ATP7B: variants seen among roughly 807,000 people sequenced by gnomAD.
The protein encoded by ATP7B is ATPase copper transporting beta.
In ATP7B, 113 loss-of-function variants were observed where a neutral mutation model predicts 118.9. The observed-to-expected ratio is 0.95, with a 90% CI of 0.82 to 1.11. The LOEUF (loss-of-function observed/expected upper bound fraction) is 1.11, where lower values mean the gene tolerates loss of function less well. ATP7B is among the 50% of genes most tolerant of loss of function. The probability of loss-of-function intolerance (pLI) is 0.00; values close to 1 mark genes in which losing one functional copy is unlikely to be tolerated. For synonymous variants in ATP7B, 777 were observed against 727.4 expected, an observed-to-expected ratio of 1.07 and a Z score of -1.10; for missense variants, 1,867 against 1,871.4, an observed-to-expected ratio of 1.00 and a Z score of 0.04.
At chr13:52,008,897 C>A (rs1422850486) in intron 1 of ATP7B, among the ~76,000 whole-genome samples, 4 of 151,670 alleles carry the variant, frequency 2.6e-5, no homozygotes, top group Non-Finnish European at 5.9e-5. Flanking sequence ...TTTTTTGAGA[C>A]AGGATCTTGC....
Position 51,957,643 on chromosome 13 carries a change from G to A in ATP7B, c.2356-36C>T, listed in dbSNP as rs377290160. ...ACCAGAATGTGAAATGAGAGCTATCGAAAGCAGACCTGTCCAAACCCAGCC... is the reference window on the plus strand; with the variant it reads ...ACCAGAATGTGAAATGAGAGCTATCAAAAGCAGACCTGTCCAAACCCAGCC... On this transcript the variant is annotated intron_variant, in intron 8 of 20. Coordinates refer to ENST00000242839, the MANE Select transcript of ATP7B (RefSeq NM_000053.4). The A allele has an allele frequency of 8.8e-6, 14 of 1,596,524 alleles. No individual in the cohort carries two copies. In the East Asian group the frequency reaches 8.9e-5, roughly 10 times the overall value.
At chr13:51,946,512 A>G (rs1244996986) in intron 12 of ATP7B, 34 bp from the exon 13 acceptor site, 2 of 1,610,108 alleles carry the variant, frequency 1.2e-6, no homozygotes, top group African/African-American at 2.7e-5. Context: ...GCAGGTTGAG[A>G]GTTCAATAAG....
At chr13:51,938,186 C>T (rs543378553) in intron 17 of ATP7B, among the ~76,000 whole-genome samples, 2 of 152,298 alleles carry the variant, frequency 1.3e-5, no homozygotes, top group South Asian at 4.1e-4. Flanking sequence ...CTACTCTGTG[C>T]CCCTGGGAAA....
At chr13:52,009,052 T>C (rs1228794071) in intron 1 of ATP7B, among the ~76,000 whole-genome samples, 2 of 152,180 alleles carry the variant, frequency 1.3e-5, no homozygotes, top group African/African-American at 2.4e-5. Flanking sequence ...TTTTTCTTTT[T>C]TTTTTGTATA....
Position 51,942,571 on chromosome 13 carries a change from A to G in ATP7B, c.3244-17T>C. On this transcript the variant is annotated splice_polypyrimidine_tract_variant and intron_variant, in intron 14 of 20. Coordinates refer to ENST00000242839, the MANE Select transcript of ATP7B (RefSeq NM_000053.4). ...TCCAAGTTCCTGGGAAGGTGGAAAG[A>G]GAGGAAGAGGAAACTGTAAGCCAAG... The G allele has an allele frequency of 6.2e-7, 1 of 1,613,808 alleles. No homozygotes were observed. Among genetic ancestry groups the G allele is most frequent in the South Asian group, 1.1e-5 (1 of 91,074 alleles).
In ATP7B at chr13:51,974,380, G is replaced by A. The variant is rs755842520; in HGVS notation, c.840C>T (p.Gly280=). Residue 280 remains glycine, a synonymous_variant, in exon 2 of 21, where the codon GGC becomes GGT. Coordinates refer to ENST00000242839, the MANE Select transcript of ATP7B (RefSeq NM_000053.4). The part of the protein sequence containing the change: ...SCVLNIEENI[G]QLLGVQSIQV... Reference sequence around the variant, plus strand: ...GAATACTTTGAACCCCTAGGAGCTGGCCAATATTTTCTTCAATATTCAAGA... The same window carrying A: ...GAATACTTTGAACCCCTAGGAGCTGACCAATATTTTCTTCAATATTCAAGA... 1.9e-6 allele frequency: 3 copies of A among 1,613,914 alleles called. No individual in the cohort carries two copies. Among genetic ancestry groups the A allele is most frequent in the South Asian group, 1.1e-5 (1 of 91,076 alleles).
intron 1 of ATP7B, among the ~76,000 whole-genome samples, chr13:51,982,067 C>T (rs374059544): frequency 5.3e-5 from 8 of 150,504 alleles, no homozygotes; most frequent in African/African-American, 2.0e-4. Context: ...TATGTGTGGC[C>T]GAAGACACAT....
chr13:51,942,287 C>G (rs550125600), intron 15 of ATP7B, 99 bp downstream of exon 15: 2 of 1,574,470 alleles, frequency 1.3e-6, no homozygotes, highest in African/African-American at 2.7e-5. Flanking sequence ...CATGAACCGT[C>G]TGCCGCACAG....
chr13:51,975,221 AACATCCCAGCTTCTC>A, intron 1 of ATP7B, 53 bp from the exon 2 acceptor site: 1 of 1,593,676 alleles, frequency 6.3e-7, no homozygotes, highest in Non-Finnish European at 8.6e-7. Context: ...TATTTTCTAC[AACATCCCAGCTTCTC>A]TGGCACTGAG....
upstream of ATP7B, among the ~76,000 whole-genome samples, chr13:52,011,851 A>G (rs1265526265): frequency 6.6e-6 from 1 of 152,214 alleles, no homozygotes; most frequent in Non-Finnish European, 1.5e-5. Context: ...AGCTGCGCAG[A>G]GCCGGGCCGC....
At chr13:51,959,999 AAGC>A in intron 7 of ATP7B, 146 bp downstream of exon 7, 3 of 1,136,096 alleles carry the variant, frequency 2.6e-6, no homozygotes, top group South Asian at 1.4e-5. Flanking sequence ...GAGAGAAAAA[AAGC>A]AGCAACTGCC....
intron 1 of ATP7B, among the ~76,000 whole-genome samples, chr13:52,000,964 G>C (rs915103680): frequency 1.3e-5 from 2 of 152,172 alleles, no homozygotes; most frequent in African/African-American, 4.8e-5. Context: ...AGGTTGCAGC[G>C]ATCTGTGATT....
rs773447981 is a variant in ATP7B at position 51,958,481 on chromosome 13, T to C, written c.2185A>G (p.Met729Val). 1 of 1,614,174 alleles carries C rather than the reference T, an allele frequency of 6.2e-7. No individual in the cohort carries two copies. Among genetic ancestry groups the C allele is most frequent in the East Asian group, 2.2e-5 (1 of 44,886 alleles). Residue 729 changes from methionine (M) to valine (V), a missense_variant, in exon 8 of 21, where the codon ATG (methionine) becomes GTG (valine). By Grantham distance (21) the Met-to-Val change is conservative. Coordinates refer to ENST00000242839, the MANE Select transcript of ATP7B (RefSeq NM_000053.4). ...GTGGCCAGGACGATGAGCACGTCCA[T>C]GTTGGCTGACCTGTGTCTCAGAGAT... Reference protein sequence around the residue: ...YKSLRHRSANMDVLIVLATSI... With the variant: ...YKSLRHRSANVDVLIVLATSI...
chr13:51,947,300 T>G (rs1157751676), intron 12 of ATP7B, among the ~76,000 whole-genome samples: 1 of 152,250 alleles, frequency 6.6e-6, no homozygotes, highest in Non-Finnish European at 1.5e-5. Context: ...AAAAAATTAC[T>G]TCTAGGGATA....
chr13:51,995,646 C>T (rs1262042484), intron 1 of ATP7B, among the ~76,000 whole-genome samples: 1 of 152,166 alleles, frequency 6.6e-6, no homozygotes, highest in Non-Finnish European at 1.5e-5. Flanking sequence ...TAGAAGTGTC[C>T]TCCTAATTAG....
intron 9 of ATP7B, among the ~76,000 whole-genome samples, chr13:51,957,149 T>TTAGC (rs777226146): frequency 6.6e-6 from 1 of 152,202 alleles, no homozygotes; most frequent in Admixed American, 6.5e-5. Flanking sequence ...TTTTTATTCT[T>TTAGC]TAGCAAGTTG....
chr13:52,008,033 T>C (rs1286326925), intron 1 of ATP7B, among the ~76,000 whole-genome samples: 3 of 151,554 alleles, frequency 2.0e-5, no homozygotes, highest in Non-Finnish European at 4.4e-5. Context: ...CTATTTGTGA[T>C]CCACTGCATT....
chr13:51,957,074 G>GAAT (rs1035605171), intron 9 of ATP7B, among the ~76,000 whole-genome samples: 1 of 152,068 alleles, frequency 6.6e-6, no homozygotes, highest in African/African-American at 2.4e-5. Flanking sequence ...GAGTTTCCAG[G>GAAT]AATAATAATA....
chr13:51,958,441 A>C lies in ATP7B; in HGVS notation c.2225T>G (p.Val742Gly). Residue 742 changes from valine (V) to glycine (G), a missense_variant, in exon 8 of 21, where the codon GTT becomes GGT. Transcript: ENST00000242839. ...AACCACCAGGATGACCAGAGAATAA[A>C]CATAAGCAATGCTTGTGGCCAGGAC... The part of the protein sequence containing the change: ...LIVLATSIAY[V>G]YSLVILVVAV... 6.2e-7 allele frequency: 1 copy of C among 1,614,240 alleles called. No individual in the cohort carries two copies. Among genetic ancestry groups the C allele is most frequent in the Non-Finnish European group, 8.5e-7 (1 of 1,180,048 alleles).
Sources: gnomAD v4.1 joint callset for allele counts (sites outside exome capture counted in the v4.1 genomes callset) on GRCh38, gnomAD v4.1.1 for gene constraint, MANE v1.5 for transcripts, NCBI Gene and HGNC (gene_info 2026-07-23, HGNC 2026-07-21) for gene names.